FAM135B: variants seen among roughly 807,000 people sequenced by gnomAD.
FAM135B encodes family with sequence similarity 135 member B.
Under a neutral mutation model 127.7 loss-of-function variants are expected in FAM135B, and 43 were observed. The observed-to-expected ratio is 0.34, with a 90% CI of 0.26 to 0.43. The LOEUF (loss-of-function observed/expected upper bound fraction) is 0.43, where lower values mean the gene tolerates loss of function less well. Ranked by LOEUF, FAM135B falls within the 20% of genes least tolerant of loss-of-function variation. The pLI, the probability that FAM135B is intolerant of heterozygous loss-of-function variation, is 1.00. For synonymous variants in FAM135B, 670 were observed against 665.1 expected (o/e 1.01, Z -0.11); for missense variants, 1,558 against 1,725.6 (o/e 0.90, Z 1.72).
At chr8:138,420,621 G>A (rs184343690) in intron 1 of FAM135B, among the ~76,000 whole-genome samples, 1 of 151,820 alleles carries the variant, frequency 6.6e-6, no homozygotes, top group African/African-American at 2.4e-5. Context: ...AAATCCACCA[G>A]CACATCAAAA....
At chr8:138,310,798 T>C in intron 3 of FAM135B, 43 bp downstream of exon 3, 1 of 1,578,434 alleles carries the variant, frequency 6.3e-7, no homozygotes, top group Middle Eastern at 1.8e-4. Flanking sequence ...AAAGGGAGGT[T>C]CGCCATTGGG....
intron 2 of FAM135B, among the ~76,000 whole-genome samples, chr8:138,312,525 C>A (rs1826767158): frequency 6.6e-6 from 1 of 152,090 alleles, no homozygotes; most frequent in Non-Finnish European, 1.5e-5. Context: ...AAGCTAATAG[C>A]CACCAACAAG....
intron 11 of FAM135B, among the ~76,000 whole-genome samples, chr8:138,176,277 C>G (rs1000029613): frequency 6.6e-6 from 1 of 152,192 alleles, no homozygotes. Flanking sequence ...GAAGGTTTAC[C>G]TATTGTTGCA....
intron 2 of FAM135B, among the ~76,000 whole-genome samples, chr8:138,317,890 G>A (rs1045339611): frequency 2.0e-5 from 3 of 152,224 alleles, no homozygotes; most frequent in African/African-American, 4.8e-5. Context: ...AGCAGTGGCC[G>A]CCTTGGCCAC....
intron 1 of FAM135B, among the ~76,000 whole-genome samples, chr8:138,483,902 C>T (rs1367929461): frequency 2.0e-5 from 3 of 152,278 alleles, no homozygotes; most frequent in East Asian, 1.9e-4. Context: ...TTGACACATA[C>T]ATTAATCACT....
intron 1 of FAM135B, among the ~76,000 whole-genome samples, chr8:138,420,459 T>C (rs1273799897): frequency 6.6e-6 from 1 of 152,134 alleles, no homozygotes; most frequent in Non-Finnish European, 1.5e-5. Context: ...TGAAATATTT[T>C]CAAAACATCA....
intron 11 of FAM135B, among the ~76,000 whole-genome samples, chr8:138,173,916 A>G (rs141512986): frequency 3.9e-5 from 6 of 152,338 alleles, no homozygotes; most frequent in African/African-American, 1.4e-4. Flanking sequence ...GAGAAGAGGA[A>G]CAATAAAACA....
rs185870061 is a variant in FAM135B at position 138,141,687 on chromosome 8, C to A, written c.3639-338G>T. On this transcript the variant is annotated intron_variant, in intron 16 of 19. Transcript: ENST00000395297. This position sits in a 1 kb window ranked among gnomAD's most constrained non-coding sequence, Gnocchi z 4.7. ...AATGCACCTCTGAGCATTGAAATCTCCTGGTCATTCACAGGATCAAGTCCC... is the reference window on the plus strand; with the variant it reads ...AATGCACCTCTGAGCATTGAAATCTACTGGTCATTCACAGGATCAAGTCCC... 5.3e-5 allele frequency among the ~76,000 whole-genome samples: 8 copies of A among 152,306 alleles called. No individual in the cohort carries two copies. In the East Asian group the frequency reaches 1.5e-3, roughly 29 times the overall value.
At chr8:138,337,552 G>A (rs910810209) in intron 2 of FAM135B, among the ~76,000 whole-genome samples, 3 of 151,866 alleles carry the variant, frequency 2.0e-5, no homozygotes, top group African/African-American at 7.3e-5. Context: ...AACTTACAAG[G>A]GATGTGAAGG....
intron 1 of FAM135B, among the ~76,000 whole-genome samples, chr8:138,406,990 T>C (rs1208346199): frequency 6.6e-6 from 1 of 150,542 alleles, no homozygotes; most frequent in Non-Finnish European, 1.5e-5. Flanking sequence ...GACGACATGA[T>C]TGTATATCTA....
chr8:138,399,447 T>C (rs907751479), intron 1 of FAM135B, among the ~76,000 whole-genome samples: 1 of 152,142 alleles, frequency 6.6e-6, no homozygotes, highest in African/African-American at 2.4e-5. Flanking sequence ...TTTCAGATAG[T>C]GTCCCTTAAA....
At chr8:138,215,535 A>G (rs1367259348) in intron 7 of FAM135B, among the ~76,000 whole-genome samples, 1 of 152,314 alleles carries the variant, frequency 6.6e-6, no homozygotes, top group African/African-American at 2.4e-5. Flanking sequence ...TACTAGATGA[A>G]CAATCCTAGG....
chr8:138,340,096 C>G (rs1828939096), intron 2 of FAM135B, among the ~76,000 whole-genome samples: 1 of 152,172 alleles, frequency 6.6e-6, no homozygotes, highest in Non-Finnish European at 1.5e-5. Context: ...AAGCACACGA[C>G]TCAGCTGTCT....
At position 138,310,906 on chromosome 8, in the gene FAM135B, C is replaced by T. The variant is rs749497764; in HGVS notation, c.92G>A (p.Arg31Gln). ...CCTTGAAGACACCTTCAAGGTCACT[C>T]GGATCTGGTAATACCTAAGAAAAGA... ...DLFQRGYYQIRVTLKVSSRIP... is the reference protein window; with the variant it reads ...DLFQRGYYQIQVTLKVSSRIP... Residue 31 changes from arginine to glutamine, a missense_variant, in exon 3 of 20, where the codon CGA becomes CAA. Arg to Gln is a conservative substitution (Grantham distance 43, BLOSUM62 1). Around this residue, in one of 5 missense-constraint regions of FAM135B, gnomAD observed 199 missense variants for 245.7 expected, o/e 0.81. Transcript: ENST00000395297. 3.1e-6 allele frequency: 5 copies of T among 1,613,126 alleles called. No homozygotes were observed. Among genetic ancestry groups the T allele is most frequent in the Non-Finnish European group, 4.2e-6 (5 of 1,179,682 alleles).
intron 2 of FAM135B, among the ~76,000 whole-genome samples, chr8:138,355,179 G>A (rs1256790954): frequency 7.2e-5 from 11 of 152,064 alleles, no homozygotes; most frequent in Non-Finnish European, 4.4e-5. Flanking sequence ...CAGAGATCTA[G>A]AACTAGAAAT....
At chr8:138,364,731 A>G (rs1830634726) in intron 2 of FAM135B, among the ~76,000 whole-genome samples, 1 of 152,204 alleles carries the variant, frequency 6.6e-6, no homozygotes, top group South Asian at 2.1e-4. Flanking sequence ...TACATGTACA[A>G]TTATCCTCAT....
chr8:138,304,755 G>C (rs1462576493), intron 3 of FAM135B, among the ~76,000 whole-genome samples: 1 of 152,202 alleles, frequency 6.6e-6, no homozygotes, highest in East Asian at 1.9e-4. Flanking sequence ...GGCAATGCTG[G>C]CTTGGCCCAA....
At chr8:138,428,963 G>C (rs906354764) in intron 1 of FAM135B, among the ~76,000 whole-genome samples, 1 of 152,168 alleles carries the variant, frequency 6.6e-6, no homozygotes, top group Admixed American at 6.6e-5. Flanking sequence ...CAACGTACTG[G>C]GGATTCAATG....
chr8:138,442,923 G>A (rs1835889623), intron 1 of FAM135B, among the ~76,000 whole-genome samples: 2 of 152,240 alleles, frequency 1.3e-5, no homozygotes, highest in Middle Eastern at 3.4e-3. Context: ...CTACGTGATG[G>A]TTGTCAGGAG....
Sources: allele counts gnomAD v4.1 joint callset (sites outside exome capture counted in the v4.1 genomes callset), GRCh38; gene constraint gnomAD v4.1.1; regional missense constraint gnomAD v4.1.1; non-coding constraint Gnocchi (gnomAD v3.1); transcripts MANE v1.5; gene names NCBI Gene and HGNC (gene_info 2026-07-23, HGNC 2026-07-21).